The following AFG1L variants were observed in gnomAD, a reference collection of about 807,000 sequenced individuals.
The protein encoded by AFG1L is AFG1-like ATPase.
Under a neutral mutation model 62.2 loss-of-function variants are expected in AFG1L, and 53 were observed. The ratio of observed to expected loss-of-function variants is 0.85; its 90% CI spans 0.68 to 1.07. The LOEUF (loss-of-function observed/expected upper bound fraction) is 1.07. Among genes scored for constraint, AFG1L ranks in the 50% least tolerant of loss-of-function variants. AFG1L has a pLI of 0.00. For synonymous variants in AFG1L, 228 were observed against 210.3 expected, an observed-to-expected ratio of 1.08 and a Z score of -0.73; for missense variants, 555 against 590.5, an observed-to-expected ratio of 0.94 and a Z score of 0.62.
chr6:108,433,252 A>G (rs56285365), intron 7 of AFG1L, among the ~76,000 whole-genome samples: 3,073 of 150,684 alleles, frequency 0.02, 95 homozygotes, highest in African/African-American at 0.07. Flanking sequence ...AGTTAACCAC[A>G]AACATTAACT....
intron 6 of AFG1L, among the ~76,000 whole-genome samples, chr6:108,392,489 T>A (rs1562128683): frequency 6.6e-6 from 1 of 152,178 alleles, no homozygotes; most frequent in Admixed American, 6.6e-5. Context: ...AAATCTTGGT[T>A]CCTCTTTTTA....
chr6:108,322,127 C>T (rs762462822), intron 1 of AFG1L, among the ~76,000 whole-genome samples: 2 of 152,116 alleles, frequency 1.3e-5, no homozygotes, highest in East Asian at 1.9e-4. Flanking sequence ...AGGCTGGTCT[C>T]GAACTCCTGA....
intron 7 of AFG1L, among the ~76,000 whole-genome samples, chr6:108,443,848 C>T (rs2114741788): frequency 6.6e-6 from 1 of 151,840 alleles, no homozygotes; most frequent in East Asian, 1.9e-4. Flanking sequence ...GCACTCCACC[C>T]TGGGCAACAG....
chr6:108,303,842 A>G (rs556877260), intron 1 of AFG1L, among the ~76,000 whole-genome samples: 22 of 152,296 alleles, frequency 1.4e-4, no homozygotes, highest in Non-Finnish European at 2.4e-4. Flanking sequence ...AAATCTTTTG[A>G]AAAAAATTAG....
intron 2 of AFG1L, among the ~76,000 whole-genome samples, chr6:108,335,700 A>G (rs1189175815): frequency 6.6e-6 from 1 of 152,250 alleles, no homozygotes; most frequent in Non-Finnish European, 1.5e-5. Flanking sequence ...GACCAGACCT[A>G]GCAGAGCTTC....
At chr6:108,511,555 A>G (rs957667406) in intron 11 of AFG1L, among the ~76,000 whole-genome samples, 6 of 152,236 alleles carry the variant, frequency 3.9e-5, no homozygotes, top group African/African-American at 7.2e-5. Flanking sequence ...TGTCTGGCCT[A>G]TGGTACGCTC....
intron 8 of AFG1L, among the ~76,000 whole-genome samples, chr6:108,475,612 A>G (rs1249495675): frequency 1.3e-5 from 2 of 152,200 alleles, no homozygotes; most frequent in African/African-American, 2.4e-5. Context: ...TGAATATGAC[A>G]CTAGACCTCA....
chr6:108,473,857 C>A (rs962862736), intron 8 of AFG1L, among the ~76,000 whole-genome samples: 1 of 152,170 alleles, frequency 6.6e-6, no homozygotes, highest in Non-Finnish European at 1.5e-5. Flanking sequence ...CTATGCCCGG[C>A]CAGCTCACTT....
intron 10 of AFG1L, among the ~76,000 whole-genome samples, chr6:108,485,522 G>A (rs572208467): frequency 6.7e-5 from 10 of 149,258 alleles, no homozygotes; most frequent in Non-Finnish European, 1.2e-4. Context: ...AGGAAAGTAT[G>A]AGAAACTAAT....
At chr6:108,449,672 A>G (rs1307573575) in intron 8 of AFG1L, among the ~76,000 whole-genome samples, 1 of 152,060 alleles carries the variant, frequency 6.6e-6, no homozygotes, top group Non-Finnish European at 1.5e-5. Context: ...ACATATATAT[A>G]CATGTGCCAT....
intron 1 of AFG1L, among the ~76,000 whole-genome samples, chr6:108,309,342 A>C (rs988560543): frequency 6.6e-6 from 1 of 152,166 alleles, no homozygotes; most frequent in Admixed American, 6.5e-5. Context: ...ATTTTGTTCC[A>C]TTGGTCTATT....
At chr6:108,316,716 T>G (rs1777617208) in intron 1 of AFG1L, among the ~76,000 whole-genome samples, 1 of 151,922 alleles carries the variant, frequency 6.6e-6, no homozygotes, top group Non-Finnish European at 1.5e-5. Flanking sequence ...GTATTTTTAG[T>G]AGAGACGGGG....
At chr6:108,508,656 T>C (rs1439938777) in intron 10 of AFG1L, among the ~76,000 whole-genome samples, 1 of 152,112 alleles carries the variant, frequency 6.6e-6, no homozygotes, top group Non-Finnish European at 1.5e-5. Flanking sequence ...AACCTAACTC[T>C]CTGGATTTAC....
intron 8 of AFG1L, among the ~76,000 whole-genome samples, chr6:108,451,042 A>G (rs1330585683): frequency 6.6e-6 from 1 of 152,038 alleles, no homozygotes. Context: ...GTTTATTACC[A>G]TCTGGCCAGA....
chr6:108,522,092 T>C (rs1347238507), intron 12 of AFG1L: 2 of 359,560 alleles, frequency 5.6e-6, no homozygotes, highest in Non-Finnish European at 1.0e-5. Context: ...GTTTTCTCTC[T>C]GATAATTTGA....
chr6:108,459,817 C>T (rs1415028012), intron 8 of AFG1L, among the ~76,000 whole-genome samples: 1 of 152,058 alleles, frequency 6.6e-6, no homozygotes, highest in Non-Finnish European at 1.5e-5. Context: ...TGAATTTTAT[C>T]CATTTACAGG....
chr6:108,485,178 A>T (rs1054164137), intron 10 of AFG1L, among the ~76,000 whole-genome samples: 5 of 152,198 alleles, frequency 3.3e-5, no homozygotes, highest in African/African-American at 1.2e-4. Context: ...AGGCAAGAGC[A>T]GCTTCTTAGA....
rs199655390 is a variant in AFG1L at position 108,476,851 on chromosome 6, T to C, written c.891-14T>C. ...TGTTATTAATTTCATATTCTATTAT[T>C]CTTTTCACTGTAGCACAAGTGAAGC... On this transcript the variant is annotated splice_polypyrimidine_tract_variant and intron_variant, in intron 8 of 12. Transcript: ENST00000368977. 17 of 1,603,146 alleles carry C rather than the reference T, an allele frequency of 1.1e-5. No individual in the cohort carries two copies. The East Asian group carries it at 3.8e-4, about 36-fold the overall frequency.
intron 7 of AFG1L, among the ~76,000 whole-genome samples, chr6:108,413,073 C>A (rs1457013488): frequency 6.6e-6 from 1 of 151,982 alleles, no homozygotes; most frequent in Non-Finnish European, 1.5e-5. Flanking sequence ...GGAGGAAGAT[C>A]TACCAAGCAA....
Sources: allele counts gnomAD v4.1 joint callset (sites outside exome capture counted in the v4.1 genomes callset), GRCh38; gene constraint gnomAD v4.1.1; transcripts MANE v1.5; gene names NCBI Gene and HGNC (gene_info 2026-07-23, HGNC 2026-07-21).